Variants in AKNAD1 observed in about 807,000 individuals in gnomAD.
AKNAD1 encodes the protein AKNA domain containing 1, also known as protein AKNAD1.
In AKNAD1, 67 loss-of-function variants were observed where a neutral mutation model predicts 90.8. The observed-to-expected ratio is 0.74, with a 90% CI of 0.61 to 0.90. The LOEUF is 0.90. Among genes scored for constraint, AKNAD1 ranks in the 40% least tolerant of loss-of-function variants. The pLI, the probability that AKNAD1 is intolerant of heterozygous loss-of-function variation, is 0.00. For synonymous variants in AKNAD1, 327 were observed against 341.4 expected (o/e 0.96, Z 0.46); for missense variants, 957 against 975.4 (o/e 0.98, Z 0.25).
chr1:108,837,630 T>C lies in AKNAD1; in HGVS notation c.1456A>G (p.Thr486Ala). 6.2e-7 allele frequency: 1 copy of C among 1,614,156 alleles called. No homozygotes were observed. The highest frequency in any genetic ancestry group is 8.5e-7 in the Non-Finnish European group (1 of 1,180,006). ...CTCACAGGAAGGGAAGGAGCTGAAGTATATTTGCTTTCATCCATTTTCTCT... is the reference window on the plus strand; with the variant it reads ...CTCACAGGAAGGGAAGGAGCTGAAGCATATTTGCTTTCATCCATTTTCTCT... ...VKEKMDESKY[T>A]SAPSLPVSSP... is the part of the protein sequence containing the mutation. The change falls in exon 7 of 16, where the codon ACT becomes GCT. Residue 486 changes from threonine (T) to alanine (A), a missense_variant. Thr to Ala is a moderately conservative substitution (Grantham distance 58). Transcript: ENST00000370001.
In AKNAD1 at chr1:108,857,004, T is replaced by A. The variant is rs1665069336; in HGVS notation, c.-179A>T. 6.6e-6 allele frequency: 1 copy of A among 152,212 alleles called. No homozygotes were observed. The allele number at this position is 152,212 out of a possible 1,614,324, so 9.4% of individuals were successfully genotyped here. A position where few individuals can be genotyped will look rare whatever the true frequency, so the allele number is the denominator to read the frequency against. On this transcript the variant is annotated 5_prime_UTR_variant, in exon 1 of 16. Coordinates refer to ENST00000370001, the MANE Select transcript of AKNAD1 (RefSeq NM_152763.5). ...CTTCCCATGTCAACACTTGGCTCAA[T>A]CTTGAAATCCAAAGGCATATCCAAA...
chr1:108,825,594 C>A (rs898555480), intron 11 of AKNAD1, among the ~76,000 whole-genome samples: 3 of 151,520 alleles, frequency 2.0e-5, no homozygotes, highest in Admixed American at 6.6e-5. Context: ...ATTTTATATA[C>A]CTGAGGTGAA....
upstream of AKNAD1, among the ~76,000 whole-genome samples, chr1:108,857,836 G>A (rs551761505): frequency 6.6e-6 from 1 of 152,176 alleles, no homozygotes. Context: ...CACGGTAAGA[G>A]TTGGCTGTTG....
chr1:108,855,075 A>C (rs1303881053), intron 1 of AKNAD1, among the ~76,000 whole-genome samples: 1 of 152,212 alleles, frequency 6.6e-6, no homozygotes, highest in East Asian at 1.9e-4. Flanking sequence ...GGCACTCCTT[A>C]TCCGTGGGGA....
chr1:108,832,525 A>G (rs1377424176), intron 9 of AKNAD1, among the ~76,000 whole-genome samples: 1 of 152,162 alleles, frequency 6.6e-6, no homozygotes, highest in East Asian at 1.9e-4. Context: ...GCACCCGGCC[A>G]GTATGCTTGT....
intron 5 of AKNAD1, among the ~76,000 whole-genome samples, chr1:108,847,987 A>G (rs1375102157): frequency 6.6e-6 from 1 of 152,230 alleles, no homozygotes; most frequent in Non-Finnish European, 1.5e-5. Context: ...GAATGATTTA[A>G]TTAACAGGAT....
chr1:108,843,186 G>A lies in AKNAD1; in HGVS notation c.1327C>T (p.Gln443Ter). ...GTTGATTCGTGCTTGTGGACTTGCTGCTGCAAAGTCAGATGCTTGTCCTTG... is the reference window on the plus strand; with the variant it reads ...GTTGATTCGTGCTTGTGGACTTGCTACTGCAAAGTCAGATGCTTGTCCTTG... ...ATKDKHLTLQ[Q>*]QVHKHESTIV... is the part of the protein sequence containing the mutation. Residue 443 changes from glutamine (Q) to a stop codon, truncating the protein, a stop_gained, in exon 6 of 16, where the codon CAG becomes TAG. Transcript: ENST00000370001. LOFTEE classifies it high-confidence loss of function. The A allele has an allele frequency of 6.2e-7, 1 of 1,614,152 alleles. No homozygotes were observed. Among genetic ancestry groups the A allele is most frequent in the Non-Finnish European group, 8.5e-7 (1 of 1,180,010 alleles).
At chr1:108,851,599 CT>C in intron 2 of AKNAD1, 72 bp downstream of exon 2, 18 of 1,428,202 alleles carry the variant, frequency 1.3e-5, no homozygotes, top group Non-Finnish European at 1.6e-5. Context: ...TCTATTCACC[CT>C]CCAAAAACCC....
At chr1:108,823,251 A>T (rs774463350) in intron 13 of AKNAD1, 119 bp downstream of exon 13, 1 of 819,810 alleles carries the variant, frequency 1.2e-6, no homozygotes, top group Non-Finnish European at 2.1e-6. Context: ...AGACCTGGGC[A>T]GCAAAATGGA....
chr1:108,834,682 G>C (rs1218602976), intron 8 of AKNAD1, among the ~76,000 whole-genome samples, 154 bp from the exon 9 acceptor site: 1 of 151,870 alleles, frequency 6.6e-6, no homozygotes, highest in Non-Finnish European at 1.5e-5. Context: ...GCGGCCACTT[G>C]ACCTTCACCT....
At chr1:108,850,723 C>T (rs1311862045) in intron 2 of AKNAD1, among the ~76,000 whole-genome samples, 1 of 152,190 alleles carries the variant, frequency 6.6e-6, no homozygotes, top group Non-Finnish European at 1.5e-5. Context: ...CAGTGTGGTT[C>T]AGTCCAGGAC....
chr1:108,828,466 C>T (rs1045834203), intron 10 of AKNAD1, among the ~76,000 whole-genome samples: 1 of 151,692 alleles, frequency 6.6e-6, no homozygotes, highest in African/African-American at 2.4e-5. Context: ...AGTCATAGCC[C>T]CCAGGGAAAG....
Position 108,843,114 on chromosome 1 carries a change from A to C in AKNAD1, c.1379+20T>G. The C allele has an allele frequency of 6.2e-7, 1 of 1,613,282 alleles. No individual in the cohort carries two copies. Among genetic ancestry groups the C allele is most frequent in the Non-Finnish European group, 8.5e-7 (1 of 1,179,696 alleles). ...ATCACCTTTGACCCTTCCACCTTAC[A>C]CAGTTGGTTTAAATCTGACCTTTCT... On this transcript the variant is annotated intron_variant, in intron 6 of 15. Coordinates refer to ENST00000370001, the MANE Select transcript of AKNAD1 (RefSeq NM_152763.5).
chr1:108,837,726 C>T lies in AKNAD1; in HGVS notation c.1380-20G>A, dbSNP rs750443518. Reference sequence around the variant, plus strand: ...ACTTTTCTAAGTAAACATAAACACACAGGCATCTTCTGGGCTATGTGGTTG... The same window carrying T: ...ACTTTTCTAAGTAAACATAAACACATAGGCATCTTCTGGGCTATGTGGTTG... On this transcript the variant is annotated intron_variant, in intron 6 of 15. Transcript: ENST00000370001. 3.7e-6 allele frequency: 6 copies of T among 1,613,098 alleles called. No homozygotes were observed. In the South Asian group the frequency reaches 6.6e-5, roughly 18 times the overall value.
rs771636516 is a variant in AKNAD1, at chr1:108,823,490, G to T, written c.2060-13C>A. On this transcript the variant is annotated splice_polypyrimidine_tract_variant and intron_variant, in intron 12 of 15. Coordinates refer to ENST00000370001, the MANE Select transcript of AKNAD1 (RefSeq NM_152763.5). ...CTATAATGAAATTCTGGGAAGAAAAGATTAAAAATACAGTTAATTGCCTGG... is the reference window on the plus strand; with the variant it reads ...CTATAATGAAATTCTGGGAAGAAAATATTAAAAATACAGTTAATTGCCTGG... 1.2e-6 allele frequency: 2 copies of T among 1,612,002 alleles called. No homozygotes were observed. Among genetic ancestry groups the T allele is most frequent in the East Asian group, 2.2e-5 (1 of 44,886 alleles).
intron 11 of AKNAD1, among the ~76,000 whole-genome samples, chr1:108,826,765 G>A (rs1310174680): frequency 2.8e-5 from 4 of 143,376 alleles, no homozygotes; most frequent in African/African-American, 1.0e-4. Flanking sequence ...TTTGAAACAG[G>A]GTCCTACTCT....
intron 11 of AKNAD1, among the ~76,000 whole-genome samples, chr1:108,824,518 G>T (rs939316538): frequency 6.6e-6 from 1 of 151,516 alleles, no homozygotes; most frequent in African/African-American, 2.4e-5. Context: ...TTTCATATTA[G>T]CAAATGGAAT....
At position 108,843,583 on chromosome 1, in the gene AKNAD1, T is replaced by C. The variant is rs202146565; in HGVS notation, c.1246-316A>G. Among the ~76,000 whole-genome samples, 3 of 152,206 alleles carry C rather than the reference T, an allele frequency of 2.0e-5. No homozygotes were observed. The East Asian group carries it at 5.8e-4, about 29-fold the overall frequency. ...ATAATCCTGTATATTTGCAGAATGG[T>C]TTTTAGCTTACAAAGCATTTTTCCA... On this transcript the variant is annotated intron_variant, in intron 5 of 15. Coordinates refer to ENST00000370001, the MANE Select transcript of AKNAD1 (RefSeq NM_152763.5).
At chr1:108,843,723 T>C (rs1335420495) in intron 5 of AKNAD1, among the ~76,000 whole-genome samples, 2 of 152,190 alleles carry the variant, frequency 1.3e-5, no homozygotes, top group Admixed American at 1.3e-4. Context: ...TGAAGGCACA[T>C]AGATCTTAAA....
Sources: gnomAD v4.1 joint callset for allele counts (sites outside exome capture counted in the v4.1 genomes callset) on GRCh38, gnomAD v4.1.1 for gene constraint, MANE v1.5 for transcripts, NCBI Gene and HGNC (gene_info 2026-07-23, HGNC 2026-07-21) for gene names.